DTD1: variants seen among roughly 807,000 people sequenced by gnomAD.
DTD1 encodes the protein D-tyrosyl-tRNA deacylase 1 homolog.
Under a neutral mutation model 25.6 loss-of-function variants are expected in DTD1, and 13 were observed. That is an observed-to-expected ratio of 0.51 (90% CI 0.33 to 0.81). The LOEUF is 0.81. Among genes scored for constraint, DTD1 ranks in the 30% least tolerant of loss-of-function variants. DTD1 has a pLI of 0.02. For synonymous variants in DTD1, 110 were observed against 103.6 expected (o/e 1.06, Z -0.37); for missense variants, 193 against 266.4 (o/e 0.72, Z 1.92).
intron 1 of DTD1, among the ~76,000 whole-genome samples, chr20:18,592,998 G>T (rs867756398): frequency 2.5e-4 from 38 of 152,196 alleles, no homozygotes; most frequent in South Asian, 8.3e-4. Context: ...GATGCATCTT[G>T]CTACCATTTG....
intron 3 of DTD1, among the ~76,000 whole-genome samples, chr20:18,620,394 C>A (rs1362899937): frequency 1.3e-5 from 2 of 152,192 alleles, no homozygotes; most frequent in Non-Finnish European, 2.9e-5. Context: ...CTTCCTAACC[C>A]CAACCTATGC....
intron 1 of DTD1, among the ~76,000 whole-genome samples, chr20:18,589,802 G>T (rs1446175974): frequency 6.6e-6 from 1 of 152,058 alleles, no homozygotes; most frequent in African/African-American, 2.4e-5. Context: ...GGGTTATTTT[G>T]GTTCACTATT....
chr20:18,658,016 C>T (rs192646294), intron 4 of DTD1, among the ~76,000 whole-genome samples: 82 of 152,276 alleles, frequency 5.4e-4, no homozygotes, highest in Non-Finnish European at 6.5e-4. Context: ...ATACTTGGGG[C>T]ACATCTTGGA....
chr20:18,654,366 G>C (rs2060884624), intron 4 of DTD1, among the ~76,000 whole-genome samples: 1 of 152,180 alleles, frequency 6.6e-6, no homozygotes, highest in South Asian at 2.1e-4. Context: ...GGCCTCCCTA[G>C]CCATGTGGAA....
chr20:18,689,592 G>A (rs1233375834), intron 4 of DTD1, among the ~76,000 whole-genome samples: 1 of 152,106 alleles, frequency 6.6e-6, no homozygotes, highest in African/African-American at 2.4e-5. Flanking sequence ...GGGGCAGGAA[G>A]GATGTTGGTA....
Position 18,749,084 on chromosome 20 carries a change from C to T in DTD1, c.*19+4813C>T, listed in dbSNP as rs538436777. Among the ~76,000 whole-genome samples the T allele has an allele frequency of 1.3e-5, 2 of 152,206 alleles. No homozygotes were observed. The highest frequency in any genetic ancestry group is 2.1e-4 in the South Asian group (1 of 4,812). ...TCAGCCTTCAGGTTAGGAGACTCAG[C>T]GGGAAGGAGCAGAGGGACAGATGGA... On this transcript the variant is annotated intron_variant, in intron 5 of 5. Transcript: ENST00000377452. This position sits in a 1 kb window ranked among gnomAD's most constrained non-coding sequence, Gnocchi z 4.2.
chr20:18,677,600 A>C (rs1055559134), intron 4 of DTD1, among the ~76,000 whole-genome samples: 3 of 152,170 alleles, frequency 2.0e-5, no homozygotes, highest in Admixed American at 2.0e-4. Flanking sequence ...GGTGTTCAAC[A>C]AACACTGATT....
chr20:18,670,331 C>T (rs1023696124), intron 4 of DTD1, among the ~76,000 whole-genome samples: 1 of 152,168 alleles, frequency 6.6e-6, no homozygotes, highest in Non-Finnish European at 1.5e-5. Context: ...TAGTGCACGC[C>T]TGTAATCCCA....
In DTD1 at chr20:18,755,723, A is replaced by G. The variant is rs146328751; in HGVS notation, c.*20-7637A>G. Among the ~76,000 whole-genome samples, 8 of 152,360 alleles carry G rather than the reference A, an allele frequency of 5.3e-5. No homozygotes were observed. In the East Asian group the frequency reaches 1.3e-3, roughly 26 times the overall value. ...CTTTACTATTGTGAATAGTGCCGCA[A>G]TAAACATACGTGTGCATATGTCTTT... is the stretch of plus-strand genomic sequence containing the variant. On this transcript the variant is annotated intron_variant, in intron 5 of 5. Coordinates refer to ENST00000377452, the MANE Select transcript of DTD1 (RefSeq NM_080820.6).
intron 4 of DTD1, among the ~76,000 whole-genome samples, chr20:18,646,779 T>C (rs1236248603): frequency 6.6e-6 from 1 of 152,098 alleles, no homozygotes; most frequent in East Asian, 1.9e-4. Context: ...GACTTTATTC[T>C]CCAGAAAAAA....
Position 18,596,139 on chromosome 20 carries a change from A to G in DTD1, c.268A>G (p.Lys90Glu). ...CCTCCAGTGTGTCCTGAAGGGAAAC[A>G]AGCCTGATTTCCACCTAGCAATGCC... ...FTLQCVLKGN[K>E]PDFHLAMPTE... The change falls in exon 3 of 6, where the codon AAG (lysine) becomes GAG (glutamate). Residue 90 changes from lysine to glutamate, a missense_variant. Transcript: ENST00000377452. The G allele has an allele frequency of 1.2e-6, 2 of 1,614,216 alleles. No homozygotes were observed. The highest frequency in any genetic ancestry group is 8.5e-7 in the Non-Finnish European group (1 of 1,180,044).
At chr20:18,612,247 G>C (rs943157416) in intron 3 of DTD1, among the ~76,000 whole-genome samples, 38 of 151,796 alleles carry the variant, frequency 2.5e-4, no homozygotes, top group Non-Finnish European at 4.9e-4. Flanking sequence ...TTTTAGCCGG[G>C]ATGGTCTCAA....
chr20:18,743,684 A>AG (rs1172079760), intron 4 of DTD1, among the ~76,000 whole-genome samples: 3 of 148,204 alleles, frequency 2.0e-5, no homozygotes, highest in African/African-American at 7.4e-5. Flanking sequence ...AAAAAAAAAA[A>AG]AAAAAAAAAG....
intron 3 of DTD1, among the ~76,000 whole-genome samples, chr20:18,609,665 C>G (rs760770588): frequency 1.1e-4 from 16 of 152,130 alleles, no homozygotes; most frequent in Non-Finnish European, 2.1e-4. Flanking sequence ...TTGGCATTTC[C>G]TTTTAATTCT....
chr20:18,649,146 A>G (rs1316084244), intron 4 of DTD1, among the ~76,000 whole-genome samples: 1 of 151,740 alleles, frequency 6.6e-6, no homozygotes, highest in East Asian at 1.9e-4. Context: ...TGTCTCACAC[A>G]TGTCCTGCCA....
chr20:18,624,725 C>T, intron 3 of DTD1, among the ~76,000 whole-genome samples: 1 of 152,164 alleles, frequency 6.6e-6, no homozygotes, highest in Non-Finnish European at 1.5e-5. Context: ...TCAAGGACCC[C>T]AGCAGGGCCC....
At chr20:18,684,212 C>G (rs1269118915) in intron 4 of DTD1, among the ~76,000 whole-genome samples, 2 of 152,006 alleles carry the variant, frequency 1.3e-5, no homozygotes, top group East Asian at 1.9e-4. Flanking sequence ...CCTCCCCACC[C>G]CACCCCTGCA....
intron 4 of DTD1, among the ~76,000 whole-genome samples, chr20:18,661,678 C>G (rs2060912123): frequency 6.6e-6 from 1 of 152,100 alleles, no homozygotes; most frequent in African/African-American, 2.4e-5. Flanking sequence ...GCTGAGTCTT[C>G]TAGTCTTTAA....
Position 18,631,205 on chromosome 20 carries a change from C to T in DTD1, c.477+2972C>T, listed in dbSNP as rs368625619. 2.2e-3 allele frequency: 2,208 copies of T among 985,478 alleles called. 3 individuals are homozygous for T. Among genetic ancestry groups the T allele is most frequent in the Non-Finnish European group, 2.6e-3 (2,148 of 829,942 alleles). The allele number at this position is 985,478 out of a possible 1,614,324, so 61.0% of individuals were successfully genotyped here. A position where few individuals can be genotyped will look rare whatever the true frequency, so the allele number is the denominator to read the frequency against. On this transcript the variant is annotated intron_variant, in intron 4 of 5. Transcript: ENST00000377452. ...CCCTTTCCTGGGCTGAGTCCAGCCT[C>T]TCCCTGGGGCCAGGACCAGCTACAT... is the stretch of plus-strand genomic sequence containing the variant.
Sources: gnomAD v4.1 joint callset for allele counts (sites outside exome capture counted in the v4.1 genomes callset) on GRCh38, gnomAD v4.1.1 for gene constraint, Gnocchi (gnomAD v3.1) non-coding constraint, MANE v1.5 for transcripts, NCBI Gene and HGNC (gene_info 2026-07-23, HGNC 2026-07-21) for gene names.